The following TENM2 variants were observed in gnomAD, a reference collection of about 807,000 sequenced individuals.
TENM2 encodes teneurin-2.
In TENM2, 52 loss-of-function variants were observed where a neutral mutation model predicts 245.2. That is an observed-to-expected ratio of 0.21 (90% CI 0.17 to 0.27). TENM2 has a LOEUF of 0.27. TENM2 is among the 10% of genes least tolerant of loss of function. The pLI is 1.00. For missense variants in TENM2, 3,046 were observed against 3,666.8 expected, an observed-to-expected ratio of 0.83 and a Z score of 4.37; for synonymous variants, 1,363 against 1,438.9, an observed-to-expected ratio of 0.95 and a Z score of 1.19.
chr5:168,068,061 C>T (rs1412806703), intron 7 of TENM2, among the ~76,000 whole-genome samples: 1 of 152,114 alleles, frequency 6.6e-6, no homozygotes, highest in Non-Finnish European at 1.5e-5. Context: ...TCTGGACAGA[C>T]CCCTTCTGGT....
chr5:167,614,468 C>A (rs1311917302), intron 2 of TENM2, among the ~76,000 whole-genome samples: 1 of 152,064 alleles, frequency 6.6e-6, no homozygotes, highest in Non-Finnish European at 1.5e-5. Flanking sequence ...GGCTTCTGTG[C>A]CTTGGTTAGT....
At chr5:167,038,482 T>C in the TENM2 span, among the ~76,000 whole-genome samples, 1 of 152,238 alleles carries the variant, frequency 6.6e-6, no homozygotes, top group Non-Finnish European at 1.5e-5. Flanking sequence ...CATTTAACTT[T>C]AAATGAACTG....
At chr5:168,216,575 A>G (rs562059875) in intron 21 of TENM2, among the ~76,000 whole-genome samples, 193 bp from the exon 24 acceptor site, 11 of 152,274 alleles carry the variant, frequency 7.2e-5, no homozygotes, top group African/African-American at 2.6e-4. Context: ...GGAACTATAC[A>G]AATCCCAGCA....
the TENM2 span, among the ~76,000 whole-genome samples, chr5:167,172,774 C>G: frequency 6.6e-6 from 1 of 151,782 alleles, no homozygotes; most frequent in African/African-American, 2.4e-5. Context: ...CTATGCTTAG[C>G]TATTTATTTA....
chr5:167,926,837 C>T (rs192203), intron 3 of TENM2, among the ~76,000 whole-genome samples: 52,316 of 151,516 alleles, frequency 0.35, 11,713 homozygotes, highest in African/African-American at 0.65. Context: ...AGTTGTGATA[C>T]TATGATATCA....
chr5:167,405,620 T>G (rs1762586507), intron 2 of TENM2, among the ~76,000 whole-genome samples: 1 of 151,996 alleles, frequency 6.6e-6, no homozygotes, highest in South Asian at 2.1e-4. Flanking sequence ...CTCTTCGTAT[T>G]GACAGTGTGC....
At chr5:167,335,118 C>T (rs1049432147) in intron 1 of TENM2, among the ~76,000 whole-genome samples, 1 of 152,170 alleles carries the variant, frequency 6.6e-6, no homozygotes, top group Non-Finnish European at 1.5e-5. Context: ...GTAGGCTGTA[C>T]AGGCAGCATG....
the TENM2 span, among the ~76,000 whole-genome samples, chr5:167,064,433 G>T: frequency 1.3e-5 from 2 of 152,204 alleles, no homozygotes; most frequent in African/African-American, 2.4e-5. Context: ...ACTCAGAAAC[G>T]AGAGTCGTGC....
At chr5:167,801,368 C>T (rs1230131057) in intron 2 of TENM2, among the ~76,000 whole-genome samples, 2 of 151,504 alleles carry the variant, frequency 1.3e-5, no homozygotes, top group Non-Finnish European at 2.9e-5. Context: ...GAGTGTTAGG[C>T]CTTGAAAGTA....
intron 2 of TENM2, among the ~76,000 whole-genome samples, chr5:167,794,883 T>A (rs1765216707): frequency 6.6e-6 from 1 of 152,216 alleles, no homozygotes; most frequent in Non-Finnish European, 1.5e-5. Flanking sequence ...TGTGCTGATA[T>A]TAATTTCTTT....
chr5:167,010,690 A>G, the TENM2 span, among the ~76,000 whole-genome samples: 3 of 152,138 alleles, frequency 2.0e-5, no homozygotes, highest in South Asian at 6.2e-4. Context: ...GGTGTTTTCC[A>G]TTTCTTCCAT....
intron 2 of TENM2, among the ~76,000 whole-genome samples, chr5:167,859,231 T>C: frequency 2.9e-5 from 2 of 69,028 alleles, no homozygotes; most frequent in African/African-American, 1.2e-4. Flanking sequence ...ACCCTCTGCC[T>C]GGCAACCACC....
At chr5:167,254,330 G>A in the TENM2 span, among the ~76,000 whole-genome samples, 1 of 152,122 alleles carries the variant, frequency 6.6e-6, no homozygotes, top group Non-Finnish European at 1.5e-5. Context: ...AAAGGCATTT[G>A]TGTCAGAACC....
intron 28 of TENM2, among the ~76,000 whole-genome samples, chr5:168,261,670 G>A (rs1413511003): frequency 1.3e-5 from 2 of 152,322 alleles, no homozygotes; most frequent in East Asian, 1.9e-4. Flanking sequence ...GGTCTAAAGC[G>A]GGCAAGGCAG....
chr5:167,202,664 C>T, the TENM2 span, among the ~76,000 whole-genome samples: 1 of 152,184 alleles, frequency 6.6e-6, no homozygotes, highest in African/African-American at 2.4e-5. Flanking sequence ...CTCCCAGTCA[C>T]ACAGGTGTGG....
intron 2 of TENM2, among the ~76,000 whole-genome samples, chr5:167,602,118 C>T (rs530421682): frequency 5.5e-4 from 84 of 151,986 alleles, no homozygotes; most frequent in Non-Finnish European, 1.1e-3. Flanking sequence ...AAGTTGCTGT[C>T]GTATTTCTCT....
chr5:167,145,647 GCATTTTCT>G, the TENM2 span, among the ~76,000 whole-genome samples: 2 of 152,130 alleles, frequency 1.3e-5, no homozygotes, highest in African/African-American at 4.8e-5. Context: ...ATGAACTGGG[GCATTTTCT>G]CGTTGCAGCG....
intron 5 of TENM2, among the ~76,000 whole-genome samples, chr5:168,017,188 G>A (rs1250378799): frequency 2.6e-5 from 4 of 152,178 alleles, no homozygotes; most frequent in Admixed American, 2.0e-4. Context: ...GATGTTAGAA[G>A]CAGGGGACAG....
At chr5:168,109,661 C>T (rs1042355626) in intron 9 of TENM2, among the ~76,000 whole-genome samples, 5 of 152,228 alleles carry the variant, frequency 3.3e-5, no homozygotes, top group Admixed American at 6.5e-5. Context: ...TCACGCCAGA[C>T]GTTCTGAGTC....
Sources: allele counts gnomAD v4.1 joint callset (sites outside exome capture counted in the v4.1 genomes callset), GRCh38; gene constraint gnomAD v4.1.1; transcripts MANE v1.5; gene names NCBI Gene and HGNC (gene_info 2026-07-23, HGNC 2026-07-21).